Variants in JMJD1C observed in about 807,000 individuals in gnomAD.
The protein encoded by JMJD1C is jumonji domain containing 1C, also known as jumonji domain-containing protein 1C.
JMJD1C carries 31 observed loss-of-function variants against 245.3 expected under a neutral mutation model. The ratio of observed to expected loss-of-function variants is 0.13; its 90% CI spans 0.09 to 0.17. The LOEUF (loss-of-function observed/expected upper bound fraction) is 0.17, where lower values mean the gene tolerates loss of function less well. Among genes scored for constraint, JMJD1C ranks in the 10% least tolerant of loss-of-function variants. JMJD1C has a pLI of 1.00. For synonymous variants in JMJD1C, 1,057 were observed against 1,017.4 expected, an observed-to-expected ratio of 1.04 and a Z score of -0.74; for missense variants, 2,691 against 3,000.2, an observed-to-expected ratio of 0.90 and a Z score of 2.41.
At chr10:63,305,611 C>A (rs546609560) in intron 2 of JMJD1C, among the ~76,000 whole-genome samples, 2 of 136,796 alleles carry the variant, frequency 1.5e-5, no homozygotes, top group Non-Finnish European at 3.2e-5. Flanking sequence ...GGACTACGGG[C>A]AAGCACCACC....
chr10:63,433,096 A>ATTT (rs57311354), intron 1 of JMJD1C, among the ~76,000 whole-genome samples: 1 of 146,080 alleles, frequency 6.8e-6, no homozygotes, highest in African/African-American at 2.5e-5. Flanking sequence ...TATTATTATC[A>ATTT]TTTTTTTTTT....
intron 1 of JMJD1C, among the ~76,000 whole-genome samples, chr10:63,460,197 G>C (rs2616628): frequency 0.14 from 21,042 of 152,128 alleles, 2,094 homozygotes; most frequent in Admixed American, 0.29. Context: ...AGTGCCATAA[G>C]AGAAACAAAA....
At chr10:63,403,111 A>C (rs1948963673) in intron 1 of JMJD1C, among the ~76,000 whole-genome samples, 1 of 152,304 alleles carries the variant, frequency 6.6e-6, no homozygotes, top group Middle Eastern at 3.4e-3. Flanking sequence ...CTCTGCTTTT[A>C]TTTTCTTAAG....
At position 63,317,000 on chromosome 10, in the gene JMJD1C, CA is replaced by C. The variant is rs1456534054; in HGVS notation, c.334-52237del. The stretch of plus-strand genomic sequence containing the variant: ...TCAGCCTCCCGAGTAGGTGGGATTA[CA>C]GGCGCATGCCACTATGGCTGGCTAA... On this transcript the variant is annotated intron_variant, in intron 2 of 25. Transcript: ENST00000399262. 2.6e-5 allele frequency among the ~76,000 whole-genome samples: 4 copies of C among 152,010 alleles called. No individual in the cohort carries two copies. In the East Asian group the frequency reaches 5.9e-4, roughly 22 times the overall value.
intron 22 of JMJD1C, among the ~76,000 whole-genome samples, chr10:63,181,953 G>A (rs901825599): frequency 2.6e-5 from 4 of 152,154 alleles, no homozygotes; most frequent in Non-Finnish European, 5.9e-5. Flanking sequence ...GGATAGGGGT[G>A]GTTACCTATT....
intron 2 of JMJD1C, among the ~76,000 whole-genome samples, chr10:63,363,891 T>G (rs1474083894): frequency 6.7e-6 from 1 of 149,818 alleles, no homozygotes; most frequent in Non-Finnish European, 1.5e-5. Flanking sequence ...AGTCTCACTC[T>G]GTTGCCCAAG....
intron 1 of JMJD1C, among the ~76,000 whole-genome samples, chr10:63,472,088 G>A (rs1444751582): frequency 3.9e-5 from 6 of 151,950 alleles, no homozygotes; most frequent in Admixed American, 2.0e-4. Flanking sequence ...AACTTGAAAT[G>A]GAAGAATTTT....
intron 2 of JMJD1C, among the ~76,000 whole-genome samples, chr10:63,284,290 T>C (rs1174812241): frequency 3.9e-5 from 6 of 152,166 alleles, no homozygotes; most frequent in African/African-American, 1.4e-4. Context: ...CTTACCAAAG[T>C]GCTGGGATTA....
At chr10:63,401,734 G>A (rs546572257) in intron 1 of JMJD1C, among the ~76,000 whole-genome samples, 9 of 152,160 alleles carry the variant, frequency 5.9e-5, no homozygotes, top group Non-Finnish European at 1.2e-4. Context: ...ACTAAAATTC[G>A]TATGTGGAAA....
intron 2 of JMJD1C, among the ~76,000 whole-genome samples, chr10:63,343,380 A>C (rs1057203340): frequency 1.3e-5 from 2 of 151,942 alleles, no homozygotes; most frequent in African/African-American, 2.4e-5. Context: ...AAAAAAACAA[A>C]AAAAAAAACA....
chr10:63,369,635 T>C (rs1184383643), intron 2 of JMJD1C, among the ~76,000 whole-genome samples: 1 of 152,210 alleles, frequency 6.6e-6, no homozygotes, highest in African/African-American at 2.4e-5. Context: ...ATTAGGCATA[T>C]TCAAAAAGTT....
At chr10:63,277,727 A>ATTTTTTTTTTTT (rs1389505532) in intron 2 of JMJD1C, among the ~76,000 whole-genome samples, 13 of 83,152 alleles carry the variant, frequency 1.6e-4, no homozygotes, top group Non-Finnish European at 2.6e-4. Context: ...AGTAATTTGC[A>ATTTTTTTTTTTT]TTTCTTTTTT....
intron 1 of JMJD1C, among the ~76,000 whole-genome samples, chr10:63,492,882 T>C (rs761143977): frequency 3.3e-5 from 5 of 152,172 alleles, no homozygotes; most frequent in Non-Finnish European, 7.3e-5. Context: ...TACAGTTTTG[T>C]CTGAATAACC....
At chr10:63,284,895 ACACACACACAC>A (rs950672186) in intron 2 of JMJD1C, among the ~76,000 whole-genome samples, 3 of 138,106 alleles carry the variant, frequency 2.2e-5, no homozygotes, top group Non-Finnish European at 4.8e-5. Flanking sequence ...ACACACACAC[ACACACACACAC>A]ATTCTCTCTA....
At chr10:63,515,701 A>G (rs979391799) in intron 1 of JMJD1C, among the ~76,000 whole-genome samples, 1 of 152,106 alleles carries the variant, frequency 6.6e-6, no homozygotes, top group African/African-American at 2.4e-5. Context: ...TCTATTCTTC[A>G]TTTTGTTCAG....
In JMJD1C at chr10:63,492,965, A is replaced by T. The variant is rs1474255619; in HGVS notation, n.113+28773T>A. The stretch of plus-strand genomic sequence containing the variant: ...AAATATGAGTCTAGATAACTGTCAC[A>T]TATATCTTCAAGGTAAGTATCAGGT... On this transcript the variant is annotated intron_variant and non_coding_transcript_variant, in intron 1 of 3. Coordinates refer to the JMJD1C transcript ENST00000633035. Among the ~76,000 whole-genome samples the T allele has an allele frequency of 2.0e-5, 3 of 152,284 alleles. No homozygotes were observed. In the East Asian group the frequency reaches 5.8e-4, roughly 29 times the overall value.
intron 10 of JMJD1C, chr10:63,203,616 A>T: frequency 1.0e-6 from 1 of 959,268 alleles, no homozygotes; most frequent in Non-Finnish European, 1.2e-6. Flanking sequence ...ATAAAATGTA[A>T]GATAGAAGTA....
At chr10:63,284,901 A>T (rs1009177733) in intron 2 of JMJD1C, among the ~76,000 whole-genome samples, 1 of 92,356 alleles carries the variant, frequency 1.1e-5, no homozygotes, top group East Asian at 3.3e-4. Context: ...ACACACACAC[A>T]CACACATTCT....
At chr10:63,201,897 T>C (rs1304927714) in intron 10 of JMJD1C, among the ~76,000 whole-genome samples, 2 of 149,408 alleles carry the variant, frequency 1.3e-5, no homozygotes, top group African/African-American at 5.0e-5. Flanking sequence ...GCCACTGCAC[T>C]CCAGCCTGGT....
Sources: allele counts gnomAD v4.1 joint callset (sites outside exome capture counted in the v4.1 genomes callset), GRCh38; gene constraint gnomAD v4.1.1; transcripts MANE v1.5; gene names NCBI Gene and HGNC (gene_info 2026-07-23, HGNC 2026-07-21).